TAFA1: variants seen among roughly 807,000 people sequenced by gnomAD.
TAFA1 encodes the protein chemokine-like protein TAFA-1.
Under a neutral mutation model 18.5 loss-of-function variants are expected in TAFA1, and 4 were observed. The observed-to-expected ratio is 0.22, with a 90% confidence interval of 0.11 to 0.49. The LOEUF is 0.49. TAFA1 is among the 20% of genes least tolerant of loss of function. The pLI is 0.98. For missense variants in TAFA1, 147 were observed against 169.0 expected (o/e 0.87, Z 0.72); for synonymous variants, 56 against 55.2 (o/e 1.01, Z -0.06).
the TAFA1 span, among the ~76,000 whole-genome samples, chr3:67,994,047 G>A: frequency 6.6e-6 from 1 of 152,190 alleles, no homozygotes; most frequent in African/African-American, 2.4e-5. Context: ...ATTTTCAACA[G>A]TTTTCCATAT....
chr3:68,458,670 C>T (rs1346500905), intron 3 of TAFA1, among the ~76,000 whole-genome samples: 4 of 152,144 alleles, frequency 2.6e-5, no homozygotes, highest in Non-Finnish European at 5.9e-5. Flanking sequence ...TTGGCAACTA[C>T]TGTTATGACA....
intron 2 of TAFA1, among the ~76,000 whole-genome samples, chr3:68,161,197 G>A (rs1324539303): frequency 6.6e-6 from 1 of 152,150 alleles, no homozygotes; most frequent in Non-Finnish European, 1.5e-5. Context: ...AAGGTATAAC[G>A]CTATGATATG....
chr3:68,034,024 T>C (rs1298425546), intron 2 of TAFA1, among the ~76,000 whole-genome samples: 1 of 152,206 alleles, frequency 6.6e-6, no homozygotes, highest in South Asian at 2.1e-4. Flanking sequence ...AAGATCTTCA[T>C]TGTGAAATCG....
intron 2 of TAFA1, among the ~76,000 whole-genome samples, chr3:68,253,533 C>T (rs1324436031): frequency 6.6e-6 from 1 of 152,134 alleles, no homozygotes; most frequent in Admixed American, 6.6e-5. Context: ...TTACTGCATA[C>T]TCATCTAACC....
chr3:68,400,384 G>A (rs1461798283), intron 2 of TAFA1, among the ~76,000 whole-genome samples: 1 of 152,198 alleles, frequency 6.6e-6, no homozygotes, highest in Non-Finnish European at 1.5e-5. Context: ...CAGTATTCCA[G>A]CCAATGACAC....
chr3:68,104,636 C>G (rs930566972), intron 2 of TAFA1, among the ~76,000 whole-genome samples: 1 of 151,950 alleles, frequency 6.6e-6, no homozygotes, highest in Non-Finnish European at 1.5e-5. Flanking sequence ...CCAACTCTGG[C>G]CCAGAGCCTT....
chr3:68,120,772 C>T (rs1422399885), intron 2 of TAFA1, among the ~76,000 whole-genome samples: 1 of 152,008 alleles, frequency 6.6e-6, no homozygotes, highest in Non-Finnish European at 1.5e-5. Context: ...CTTTGGGGAT[C>T]GTTATTAGAA....
chr3:68,371,821 A>G (rs1228961692), intron 2 of TAFA1, among the ~76,000 whole-genome samples: 2 of 152,208 alleles, frequency 1.3e-5, no homozygotes, highest in Non-Finnish European at 2.9e-5. Flanking sequence ...GAGAATGTTG[A>G]GAACTGGTGA....
chr3:68,375,098 C>A (rs1415204652), intron 2 of TAFA1, among the ~76,000 whole-genome samples: 41 of 152,114 alleles, frequency 2.7e-4, no homozygotes, highest in Non-Finnish European at 5.3e-4. Context: ...TCTCTTTTGG[C>A]ATGATTCTAC....
Position 68,344,637 on chromosome 3 carries a change from T to C in TAFA1, c.119-72643T>C, listed in dbSNP as rs552124582. 2.7e-4 allele frequency among the ~76,000 whole-genome samples: 41 copies of C among 152,258 alleles called. No individual in the cohort carries two copies. The South Asian group carries it at 4.8e-3, about 18-fold the overall frequency. On this transcript the variant is annotated intron_variant, in intron 2 of 4. Coordinates refer to ENST00000478136, the MANE Select transcript of TAFA1 (RefSeq NM_213609.4). ...CGATTCTAGCCCTGACTTTTCCCCCTAGCTTTGTGACTTTGGGTAGGTTAC... is the reference window on the plus strand; with the variant it reads ...CGATTCTAGCCCTGACTTTTCCCCCCAGCTTTGTGACTTTGGGTAGGTTAC...
At chr3:68,282,977 C>G (rs1156840269) in intron 2 of TAFA1, among the ~76,000 whole-genome samples, 2 of 152,056 alleles carry the variant, frequency 1.3e-5, no homozygotes, top group Non-Finnish European at 2.9e-5. Context: ...TTCTCTGAAA[C>G]TCAGTTTTAT....
At chr3:68,086,877 C>G (rs1289747544) in intron 2 of TAFA1, among the ~76,000 whole-genome samples, 1 of 152,164 alleles carries the variant, frequency 6.6e-6, no homozygotes, top group South Asian at 2.1e-4. Context: ...GAATCTTTCC[C>G]CTTGATCAGG....
chr3:68,299,721 T>C (rs1161189141), intron 2 of TAFA1, among the ~76,000 whole-genome samples: 1 of 152,236 alleles, frequency 6.6e-6, no homozygotes, highest in Non-Finnish European at 1.5e-5. Context: ...GGACCAAGTC[T>C]AGGGCTTTGC....
At chr3:67,998,977 G>A in the TAFA1 span, among the ~76,000 whole-genome samples, 11 of 152,106 alleles carry the variant, frequency 7.2e-5, no homozygotes, top group Non-Finnish European at 1.3e-4. Flanking sequence ...TTACTATCAG[G>A]TAATTAAAGA....
chr3:68,336,363 T>G (rs2068969317), intron 2 of TAFA1, among the ~76,000 whole-genome samples: 2 of 152,194 alleles, frequency 1.3e-5, no homozygotes, highest in South Asian at 4.1e-4. Context: ...CTAACTGACT[T>G]TTCTGATACT....
At chr3:68,371,189 C>T (rs79421560) in intron 2 of TAFA1, among the ~76,000 whole-genome samples, 1 of 152,112 alleles carries the variant, frequency 6.6e-6, no homozygotes, top group Non-Finnish European at 1.5e-5. Context: ...CATTGGTAAA[C>T]TGCAGACGAT....
At chr3:68,260,916 A>C (rs1336760104) in intron 2 of TAFA1, among the ~76,000 whole-genome samples, 1 of 152,174 alleles carries the variant, frequency 6.6e-6, no homozygotes, top group African/African-American at 2.4e-5. Flanking sequence ...CAAAATTGAC[A>C]AATGGGATCT....
chr3:68,087,128 G>C (rs1050611728), intron 2 of TAFA1, among the ~76,000 whole-genome samples: 1 of 152,144 alleles, frequency 6.6e-6, no homozygotes, highest in African/African-American at 2.4e-5. Context: ...GATACCTACT[G>C]TTGTACAGGA....
At chr3:68,257,453 A>C (rs1423154397) in intron 2 of TAFA1, among the ~76,000 whole-genome samples, 1 of 149,182 alleles carries the variant, frequency 6.7e-6, no homozygotes, top group Non-Finnish European at 1.5e-5. Context: ...TTTTTTTTTA[A>C]GTGCTGTACT....
Sources: gnomAD v4.1 joint callset for allele counts (sites outside exome capture counted in the v4.1 genomes callset) on GRCh38, gnomAD v4.1.1 for gene constraint, MANE v1.5 for transcripts, NCBI Gene and HGNC (gene_info 2026-07-23, HGNC 2026-07-21) for gene names.